MME: variants seen among roughly 807,000 people sequenced by gnomAD.
The protein encoded by MME is membrane metalloendopeptidase, also known as neprilysin.
Under a neutral mutation model 113.2 loss-of-function variants are expected in MME, and 98 were observed. The ratio of observed to expected loss-of-function variants is 0.87; its 90% CI spans 0.74 to 1.02. The LOEUF is 1.02. MME is among the 50% of genes least tolerant of loss of function. The pLI, the probability that MME is intolerant of heterozygous loss-of-function variation, is 0.00. For synonymous variants in MME, 292 were observed against 300.6 expected (o/e 0.97, Z 0.30); for missense variants, 836 against 896.0 (o/e 0.93, Z 0.86).
chr3:155,156,833 G>T (rs1278455026), intron 16 of MME, among the ~76,000 whole-genome samples: 1 of 151,978 alleles, frequency 6.6e-6, no homozygotes, highest in African/African-American at 2.4e-5. Flanking sequence ...GGCAGTACCG[G>T]CTCACTAACA....
In MME at chr3:155,084,141, A is replaced by C. The variant is rs148774018; in HGVS notation, c.-10-17A>C. Reference sequence around the variant, plus strand: ...TATTTATTTGTTTTTCATTATTAGTATTTTCATTTTTTGCAGATTTTAGGT... The same window carrying C: ...TATTTATTTGTTTTTCATTATTAGTCTTTTCATTTTTTGCAGATTTTAGGT... On this transcript the variant is annotated splice_polypyrimidine_tract_variant and intron_variant, in intron 1 of 22. Transcript: ENST00000360490. 6 of 1,594,304 alleles carry C rather than the reference A, an allele frequency of 3.8e-6. No homozygotes were observed. Among genetic ancestry groups the C allele is most frequent in the Non-Finnish European group, 5.2e-6 (6 of 1,162,144 alleles).
At chr3:155,161,872 C>T (rs1722747095) in intron 17 of MME, among the ~76,000 whole-genome samples, 1 of 152,130 alleles carries the variant, frequency 6.6e-6, no homozygotes, top group African/African-American at 2.4e-5. Context: ...CTCCTCAGAA[C>T]CTTTGCAGTC....
intron 1 of MME, among the ~76,000 whole-genome samples, chr3:155,032,387 T>C (rs1713000535): frequency 6.6e-6 from 1 of 152,210 alleles, no homozygotes; most frequent in Admixed American, 6.5e-5. Flanking sequence ...TGTTGCAAAC[T>C]CTAACAAGAA....
intron 1 of MME, among the ~76,000 whole-genome samples, chr3:155,045,294 G>A (rs1183159715): frequency 6.6e-6 from 1 of 151,952 alleles, no homozygotes; most frequent in Non-Finnish European, 1.5e-5. Context: ...GGGACTACAG[G>A]TGCCTGCCAC....
At chr3:155,077,770 A>T (rs932686442), upstream of MME, among the ~76,000 whole-genome samples, 4 of 152,082 alleles carry the variant, frequency 2.6e-5, no homozygotes, top group African/African-American at 9.7e-5. Context: ...AGAAAAAGAA[A>T]AAAATATTTG....
intron 15 of MME, among the ~76,000 whole-genome samples, chr3:155,147,744 C>G (rs1390797322): frequency 6.6e-6 from 1 of 152,190 alleles, no homozygotes; most frequent in Admixed American, 6.5e-5. Flanking sequence ...TGATTTCAGA[C>G]TCAACTGAAA....
chr3:155,156,599 AAT>A (rs1722322226), intron 16 of MME, among the ~76,000 whole-genome samples: 1 of 152,190 alleles, frequency 6.6e-6, no homozygotes, highest in Non-Finnish European at 1.5e-5. Context: ...TATACCTGCA[AAT>A]ATATGGATGG....
chr3:155,138,072 C>A (rs1720772359), intron 8 of MME, 30 bp from the exon 9 acceptor site: 6 of 1,612,392 alleles, frequency 3.7e-6, no homozygotes, highest in Middle Eastern at 3.3e-4. Flanking sequence ...AGAGCTACTC[C>A]AACAGTTTAG....
chr3:155,045,710 A>C (rs1054582517), intron 1 of MME, among the ~76,000 whole-genome samples: 21 of 147,496 alleles, frequency 1.4e-4, no homozygotes, highest in African/African-American at 5.3e-4. Context: ...GGTTTTGTTC[A>C]TTTTCTCTAG....
At chr3:155,140,410 CTTTTTTTTTTTTT>C (rs35653282) in intron 10 of MME, 118 bp downstream of exon 10, 8 of 288,888 alleles carry the variant, frequency 2.8e-5, no homozygotes, top group Admixed American at 1.8e-4. Context: ...ACTTCAATTC[CTTTTTTTTTTTTT>C]TTTTTTTTTT....
intron 3 of MME, among the ~76,000 whole-genome samples, chr3:155,102,237 T>G (rs1418191757): frequency 6.6e-6 from 1 of 152,180 alleles, no homozygotes; most frequent in Admixed American, 6.5e-5. Flanking sequence ...TGGTGATGAT[T>G]TACTATAAGA....
chr3:155,031,032 T>G (rs571366060), intron 1 of MME, among the ~76,000 whole-genome samples: 5 of 152,288 alleles, frequency 3.3e-5, no homozygotes, highest in African/African-American at 7.2e-5. Flanking sequence ...TAGACTGCAG[T>G]TTGGAATGAT....
chr3:155,060,887 T>A (rs368421193), intron 1 of MME, among the ~76,000 whole-genome samples: 2 of 151,708 alleles, frequency 1.3e-5, no homozygotes, highest in African/African-American at 4.9e-5. Context: ...TTTTGCTCTA[T>A]TCTCTTTCTC....
chr3:155,136,082 A>G (rs529327333), intron 8 of MME, among the ~76,000 whole-genome samples: 2 of 152,334 alleles, frequency 1.3e-5, no homozygotes, highest in African/African-American at 4.8e-5. Flanking sequence ...TCATATCATT[A>G]GTGAAAAGAG....
intron 9 of MME, among the ~76,000 whole-genome samples, chr3:155,139,292 A>G (rs1382263747): frequency 2.6e-5 from 4 of 152,122 alleles, no homozygotes; most frequent in Admixed American, 1.3e-4. Flanking sequence ...TTATGTGTCT[A>G]TATTCTCACT....
chr3:155,147,282 A>G (rs1721592956), intron 15 of MME, 58 bp downstream of exon 15: 1 of 1,061,908 alleles, frequency 9.4e-7, no homozygotes, highest in Non-Finnish European at 1.5e-6. Flanking sequence ...TAGTAGTGTC[A>G]TTTTTAGCTA....
Position 155,082,195 on chromosome 3 carries a change from T to G in MME, c.-11+1729T>G, listed in dbSNP as rs142894275. ...CTGTAATTTAACCCTGAGGCTGCCC[T>G]GGTTCACCCCTTCGCTTTACTTTAC... On this transcript the variant is annotated intron_variant, in intron 1 of 22. Coordinates refer to ENST00000360490, the MANE Select transcript of MME (RefSeq NM_007289.4). 3.3e-3 allele frequency among the ~76,000 whole-genome samples: 504 copies of G among 152,282 alleles called. 5 individuals are homozygous for G. The highest frequency in any genetic ancestry group is 0.011 in the African/African-American group (454 of 41,550).
chr3:155,108,377 C>T (rs991296787), intron 3 of MME, among the ~76,000 whole-genome samples: 11 of 152,084 alleles, frequency 7.2e-5, no homozygotes, highest in African/African-American at 2.2e-4. Flanking sequence ...GGGTGGATTA[C>T]CTGAGGTCAG....
chr3:155,067,195 G>A (rs1714407062), intron 1 of MME, among the ~76,000 whole-genome samples: 1 of 142,676 alleles, frequency 7.0e-6, no homozygotes, highest in Non-Finnish European at 1.5e-5. Context: ...AGAAAACACA[G>A]GCAATTTGAA....
Sources: gnomAD v4.1 joint callset for allele counts (sites outside exome capture counted in the v4.1 genomes callset) on GRCh38, gnomAD v4.1.1 for gene constraint, MANE v1.5 for transcripts, NCBI Gene and HGNC (gene_info 2026-07-23, HGNC 2026-07-21) for gene names.